FAM117B: variants seen among roughly 807,000 people sequenced by gnomAD.
FAM117B encodes family with sequence similarity 117 member B.
FAM117B carries 22 observed loss-of-function variants against 52.8 expected under a neutral mutation model. The observed-to-expected ratio is 0.42, with a 90% CI of 0.30 to 0.59. The LOEUF is 0.59. Among genes scored for constraint, FAM117B ranks in the 20% least tolerant of loss-of-function variants. The pLI, the probability that FAM117B is intolerant of heterozygous loss-of-function variation, is 0.22. For missense variants in FAM117B, 678 were observed against 802.6 expected (o/e 0.84, Z 1.88); for synonymous variants, 309 against 324.1 (o/e 0.95, Z 0.50).
At chr2:202,736,530 G>A (rs979745061) in intron 4 of FAM117B, among the ~76,000 whole-genome samples, 3 of 152,252 alleles carry the variant, frequency 2.0e-5, no homozygotes, top group South Asian at 2.1e-4. Flanking sequence ...GGAGTTCGAC[G>A]TAGATGGATC....
chr2:202,673,582 G>A (rs1237477642), intron 1 of FAM117B, among the ~76,000 whole-genome samples: 1 of 151,240 alleles, frequency 6.6e-6, no homozygotes, highest in African/African-American at 2.4e-5. Context: ...CAAGTAGCTG[G>A]AATTACAGTT....
At chr2:202,718,231 A>AGGCCTGGG (rs1228638542) in intron 2 of FAM117B, among the ~76,000 whole-genome samples, 4 of 152,238 alleles carry the variant, frequency 2.6e-5, no homozygotes, top group African/African-American at 9.6e-5. Context: ...TCTAGAGCCA[A>AGGCCTGGG]GGCCTGGAAT....
chr2:202,635,709 C>G lies in FAM117B; in HGVS notation c.522C>G (p.Val174=), dbSNP rs1689673083. The G allele has an allele frequency of 4.2e-6, 6 of 1,434,894 alleles. No homozygotes were observed. Among genetic ancestry groups the G allele is most frequent in the South Asian group, 1.4e-5 (1 of 73,672 alleles). The allele number at this position is 1,434,894 out of a possible 1,614,324, so 88.9% of individuals were successfully genotyped here. Residue 174 remains valine, a synonymous_variant, in exon 1 of 8, where the codon GTC becomes GTG. Coordinates refer to ENST00000392238, the MANE Select transcript of FAM117B (RefSeq NM_173511.4). ...GCGCGGCCCCACCCCCAGCCCGCGT[C>G]CGGCATCGGAGGAGGTCTCCGGAGC... ...EVSAAPPPAR[V]RHRRRSPEQS... is the part of the protein sequence containing the mutation.
chr2:202,746,623 C>CTA (rs1197927815), intron 4 of FAM117B, among the ~76,000 whole-genome samples: 1 of 151,922 alleles, frequency 6.6e-6, no homozygotes, highest in African/African-American at 2.4e-5. Flanking sequence ...CAACTATACA[C>CTA]TAACAAATTG....
chr2:202,720,045 A>G (rs1297912390), intron 2 of FAM117B, among the ~76,000 whole-genome samples: 1 of 152,174 alleles, frequency 6.6e-6, no homozygotes, highest in East Asian at 1.9e-4. Context: ...CTTTGTAACT[A>G]ATAGTAATTT....
intron 4 of FAM117B, among the ~76,000 whole-genome samples, chr2:202,737,040 G>A (rs893285791): frequency 6.6e-6 from 1 of 152,106 alleles, no homozygotes; most frequent in African/African-American, 2.4e-5. Flanking sequence ...TTGGCTTTTA[G>A]CATTAAAATG....
chr2:202,645,779 T>C (rs1188571150), intron 1 of FAM117B, among the ~76,000 whole-genome samples: 1 of 151,634 alleles, frequency 6.6e-6, no homozygotes, highest in Non-Finnish European at 1.5e-5. Context: ...AAATTTTTTG[T>C]ATTTTTAGTA....
intron 4 of FAM117B, among the ~76,000 whole-genome samples, chr2:202,735,698 CAA>C (rs1007255094): frequency 2.0e-5 from 3 of 152,276 alleles, no homozygotes; most frequent in East Asian, 1.9e-4. Context: ...ATGTTAGTAA[CAA>C]GAGTGGGAGA....
At chr2:202,655,747 AGAGAGAGAGAGAGAGT>A (rs1468379531) in intron 1 of FAM117B, among the ~76,000 whole-genome samples, 8 of 133,156 alleles carry the variant, frequency 6.0e-5, no homozygotes, top group South Asian at 2.2e-4. Context: ...AGAGAGAGAG[AGAGAGAGAGAGAGAGT>A]GTGTGTGTGT....
intron 1 of FAM117B, among the ~76,000 whole-genome samples, chr2:202,677,215 G>A (rs1374511350): frequency 2.0e-5 from 3 of 151,954 alleles, no homozygotes; most frequent in South Asian, 2.1e-4. Context: ...TTACAGGCAC[G>A]CACCACCATT....
At chr2:202,685,692 G>C (rs1182640722) in intron 1 of FAM117B, among the ~76,000 whole-genome samples, 1 of 152,210 alleles carries the variant, frequency 6.6e-6, no homozygotes, top group East Asian at 1.9e-4. Flanking sequence ...AGAAAGAATA[G>C]TATTTTCCAC....
intron 1 of FAM117B, among the ~76,000 whole-genome samples, chr2:202,639,344 C>A (rs1039361722): frequency 2.6e-5 from 4 of 152,080 alleles, no homozygotes; most frequent in Non-Finnish European, 4.4e-5. Context: ...GTAGAACTTC[C>A]TACTCTTGAC....
At chr2:202,745,198 T>G (rs1691612596) in intron 4 of FAM117B, among the ~76,000 whole-genome samples, 1 of 151,702 alleles carries the variant, frequency 6.6e-6, no homozygotes, top group Non-Finnish European at 1.5e-5. Flanking sequence ...GAGAATCTCT[T>G]GAACCCAGGA....
chr2:202,640,220 G>A lies in FAM117B; in HGVS notation c.601+4432G>A, dbSNP rs1031771516. On this transcript the variant is annotated intron_variant, in intron 1 of 7. Transcript: ENST00000392238. ...CAGAAGGTGGAGGTTGCAGTGAGCCGAGATTGTGCCACTGCACTCCAGCCT... is the reference window on the plus strand; with the variant it reads ...CAGAAGGTGGAGGTTGCAGTGAGCCAAGATTGTGCCACTGCACTCCAGCCT... Among the ~76,000 whole-genome samples the A allele has an allele frequency of 3.4e-5, 5 of 146,314 alleles. No homozygotes were observed. In the Admixed American group the frequency reaches 3.4e-4, roughly 10 times the overall value.
chr2:202,757,126 A>G, intron 5 of FAM117B, 87 bp from the exon 6 acceptor site: 2 of 1,284,948 alleles, frequency 1.6e-6, no homozygotes, highest in Non-Finnish European at 2.2e-6. Flanking sequence ...AGTCTCTGGC[A>G]CTATATGGGA....
intron 4 of FAM117B, among the ~76,000 whole-genome samples, chr2:202,735,192 C>A (rs999378899): frequency 1.3e-5 from 2 of 152,036 alleles, no homozygotes; most frequent in African/African-American, 4.8e-5. Context: ...TGTGTGTGGA[C>A]TTAAAGCTTT....
intron 4 of FAM117B, among the ~76,000 whole-genome samples, chr2:202,736,772 A>G (rs1335943957): frequency 6.6e-6 from 1 of 152,134 alleles, no homozygotes; most frequent in Non-Finnish European, 1.5e-5. Context: ...TAGTCCATCA[A>G]TCAGCAATCA....
chr2:202,738,907 G>A (rs547168376), intron 4 of FAM117B, among the ~76,000 whole-genome samples: 4 of 152,158 alleles, frequency 2.6e-5, no homozygotes, highest in African/African-American at 4.8e-5. Flanking sequence ...ACCTTATGTC[G>A]GCCAGGTGTG....
At chr2:202,639,311 A>G (rs1209894705) in intron 1 of FAM117B, among the ~76,000 whole-genome samples, 1 of 152,176 alleles carries the variant, frequency 6.6e-6, no homozygotes, top group Non-Finnish European at 1.5e-5. Context: ...TTATTCTTCT[A>G]GGGTTAGAGC....
Sources: gnomAD v4.1 joint callset for allele counts (sites outside exome capture counted in the v4.1 genomes callset) on GRCh38, gnomAD v4.1.1 for gene constraint, MANE v1.5 for transcripts, NCBI Gene and HGNC (gene_info 2026-07-23, HGNC 2026-07-21) for gene names.